The following BARD1 variants were observed in gnomAD, a reference collection of about 807,000 sequenced individuals.
The protein encoded by BARD1 is BRCA1 associated RING domain 1.
BARD1 carries 73 observed loss-of-function variants against 77.0 expected under a neutral mutation model. The observed-to-expected ratio is 0.95, with a 90% CI of 0.79 to 1.15. The LOEUF (loss-of-function observed/expected upper bound fraction) is 1.15. Ranked by LOEUF, BARD1 falls within the 50% of genes most tolerant of loss-of-function variation. The probability of loss-of-function intolerance (pLI) is 0.00; values close to 1 mark genes in which losing one functional copy is unlikely to be tolerated. For synonymous variants in BARD1, 384 were observed against 338.0 expected (o/e 1.14, Z -1.49); for missense variants, 993 against 938.8 (o/e 1.06, Z -0.75).
chr2:214,775,397 G>A (rs1694693250), intron 4 of BARD1, among the ~76,000 whole-genome samples: 1 of 152,170 alleles, frequency 6.6e-6, no homozygotes, highest in Non-Finnish European at 1.5e-5. Flanking sequence ...TCAGTAAGCA[G>A]AATAGTCAGA....
intron 4 of BARD1, among the ~76,000 whole-genome samples, chr2:214,770,349 C>A (rs1039624894): frequency 6.6e-6 from 1 of 152,174 alleles, no homozygotes; most frequent in African/African-American, 2.4e-5. Flanking sequence ...TTCTCTATTT[C>A]TCTATTCCAG....
intron 9 of BARD1, among the ~76,000 whole-genome samples, chr2:214,739,322 G>T (rs1235849663): frequency 6.6e-6 from 1 of 151,950 alleles, no homozygotes; most frequent in Admixed American, 6.6e-5. Context: ...TATGTCATTA[G>T]ATCTAAACTA....
chr2:214,725,773 TA>T lies in BARD1; in HGVS notation c.*2902del, dbSNP rs2105981369. 4.6e-6 allele frequency: 1 copy of T among 217,766 alleles called. No homozygotes were observed. Among genetic ancestry groups the T allele is most frequent in the Admixed American group, 6.0e-5 (1 of 16,636 alleles). The allele number at this position is 217,766 out of a possible 1,614,324, so 13.5% of individuals were successfully genotyped here. A position where few individuals can be genotyped will look rare whatever the true frequency, so the allele number is the denominator to read the frequency against. ...TATCAAAGAAAATGGTGGCTTTTAG[TA>T]ATTAAATAAGACAAGCATTAGTTCC... On this transcript the variant is annotated 3_prime_UTR_variant, in exon 11 of 11. Coordinates refer to ENST00000260947, the MANE Select transcript of BARD1 (RefSeq NM_000465.4).
Position 214,809,521 on chromosome 2 carries a change from C to G in BARD1, c.49G>C (p.Gly17Arg), listed in dbSNP as rs746495820. 1.3e-6 allele frequency: 2 copies of G among 1,592,310 alleles called. No individual in the cohort carries two copies. Among genetic ancestry groups the G allele is most frequent in the Non-Finnish European group, 1.7e-6 (2 of 1,171,356 alleles). ...PRNRQPRIRS[G>R]NEPRSAPAME... ...GCGGGCGCGGAACGAGGCTCGTTCC[C>G]GGAGCGGATCCTCGGCTGCCGGTTC... is the stretch of plus-strand genomic sequence containing the variant. The change falls in exon 1 of 11, where the codon GGG (glycine) becomes CGG (arginine). Residue 17 changes from glycine to arginine, a missense_variant. By Grantham distance (125) the Gly-to-Arg change is moderately radical. Transcript: ENST00000260947.
At chr2:214,752,945 C>T (rs192223013) in intron 6 of BARD1, among the ~76,000 whole-genome samples, 17 of 152,220 alleles carry the variant, frequency 1.1e-4, no homozygotes, top group Admixed American at 8.5e-4. Flanking sequence ...GATAAATTCA[C>T]AGGACAGGGA....
chr2:214,740,835 T>C (rs1379886390), intron 9 of BARD1, among the ~76,000 whole-genome samples: 1 of 152,100 alleles, frequency 6.6e-6, no homozygotes, highest in Non-Finnish European at 1.5e-5. Context: ...TTTTTATTCT[T>C]AGACAATCTT....
intron 1 of BARD1, among the ~76,000 whole-genome samples, chr2:214,807,737 T>TCA (rs1696340844): frequency 6.6e-6 from 1 of 151,638 alleles, no homozygotes; most frequent in Non-Finnish European, 1.5e-5. Context: ...ATCCGGAAAA[T>TCA]GAGAGATGAA....
chr2:214,790,346 G>A (rs570493117), intron 3 of BARD1, among the ~76,000 whole-genome samples: 1 of 152,114 alleles, frequency 6.6e-6, no homozygotes, highest in African/African-American at 2.4e-5. Context: ...CATTGCAGAT[G>A]TAACTAGCTA....
chr2:214,735,743 C>T (rs976032832), intron 9 of BARD1, among the ~76,000 whole-genome samples: 47 of 152,048 alleles, frequency 3.1e-4, no homozygotes, highest in African/African-American at 1.1e-3. Context: ...ATGTCAAATG[C>T]TTAAAAGCTG....
chr2:214,734,945 T>C (rs966216295), intron 9 of BARD1, among the ~76,000 whole-genome samples: 4 of 152,186 alleles, frequency 2.6e-5, no homozygotes, highest in Non-Finnish European at 4.4e-5. Flanking sequence ...TGAACACCGA[T>C]TAGTGAATAA....
chr2:214,796,742 C>T (rs1360897685), intron 2 of BARD1: 5 of 318,156 alleles, frequency 1.6e-5, no homozygotes, highest in Admixed American at 4.6e-5. Flanking sequence ...AATTTTGAGT[C>T]TAGATTCAAA....
chr2:214,774,572 T>C (rs1391816109), intron 4 of BARD1, among the ~76,000 whole-genome samples: 2 of 152,228 alleles, frequency 1.3e-5, no homozygotes, highest in Non-Finnish European at 2.9e-5. Flanking sequence ...CAAACCATGC[T>C]GTCAAGATGT....
At chr2:214,751,145 ATATATATTTTTTTT>A (rs1693423786) in intron 7 of BARD1, among the ~76,000 whole-genome samples, 1 of 21,362 alleles carries the variant, frequency 4.7e-5, no homozygotes, top group African/African-American at 1.3e-4. Flanking sequence ...ATATATATAT[ATATATATTTTTTTT>A]TTTTTTTTTT....
rs1345080663 is a variant in BARD1 at position 214,730,495 on chromosome 2, A to C, written c.1917T>G (p.Cys639Trp). ...CCTGTTCACATACTTTTCTTCGTAG[A>C]CATGCTTTTACCCCTGACAAAAACA... is the stretch of plus-strand genomic sequence containing the variant. ...WILKFEWVKA[C>W]LRRKVCEQEE... Residue 639 changes from cysteine (C) to tryptophan (W), a missense_variant, in exon 10 of 11, where the codon TGT becomes TGG. Cys to Trp is a radical substitution (Grantham distance 215). Coordinates refer to ENST00000260947, the MANE Select transcript of BARD1 (RefSeq NM_000465.4). 6.2e-7 allele frequency: 1 copy of C among 1,613,538 alleles called. No individual in the cohort carries two copies. Among genetic ancestry groups the C allele is most frequent in the Non-Finnish European group, 8.5e-7 (1 of 1,179,668 alleles).
chr2:214,792,367 AT>A lies in BARD1; in HGVS notation c.293del (p.Asn98IlefsTer7). The A allele has an allele frequency of 2.5e-6, 4 of 1,612,926 alleles. No homozygotes were observed. Among genetic ancestry groups the A allele is most frequent in the Admixed American group, 1.7e-5 (1 of 59,830 alleles). Reference protein sequence around the residue: ...TPAWIQDLKINRQLDSMIQLC... With the variant: ...TPAWIQDLKIXRQLDSMIQLC... ...GTTGAATCATGCTGTCCAGTTGTCT[AT>A]TTATCTTCAAGTCTTGTATCCAGGC... On this transcript the variant is annotated frameshift_variant, in exon 3 of 11. Coordinates refer to ENST00000260947, the MANE Select transcript of BARD1 (RefSeq NM_000465.4). LOFTEE classifies it high-confidence loss of function.
chr2:214,792,490 GAATTT>G (rs756134901), intron 2 of BARD1, 45 bp from the exon 3 acceptor site: 9 of 1,493,310 alleles, frequency 6.0e-6, no homozygotes, highest in African/African-American at 4.4e-5. Flanking sequence ...CCATTCAGCA[GAATTT>G]AATTCCAAAA....
At chr2:214,787,033 A>C (rs927668360) in intron 3 of BARD1, among the ~76,000 whole-genome samples, 4 of 151,900 alleles carry the variant, frequency 2.6e-5, no homozygotes, top group Non-Finnish European at 4.4e-5. Context: ...AAAGTCATAA[A>C]GGTTAATCCT....
At chr2:214,752,987 AT>A (rs1693529906) in intron 6 of BARD1, among the ~76,000 whole-genome samples, 1 of 152,204 alleles carries the variant, frequency 6.6e-6, no homozygotes, top group Non-Finnish European at 1.5e-5. Context: ...ATTATGCCAC[AT>A]AACAAACAGT....
chr2:214,772,125 C>T (rs929067665), intron 4 of BARD1, among the ~76,000 whole-genome samples: 8 of 146,382 alleles, frequency 5.5e-5, no homozygotes, highest in Non-Finnish European at 7.5e-5. Context: ...ATCACCATGC[C>T]CAGCTAATTT....
Sources: allele counts gnomAD v4.1 joint callset (sites outside exome capture counted in the v4.1 genomes callset), GRCh38; gene constraint gnomAD v4.1.1; transcripts MANE v1.5; gene names NCBI Gene and HGNC (gene_info 2026-07-23, HGNC 2026-07-21).